The following EYA4 variants were observed in gnomAD, a reference collection of about 807,000 sequenced individuals.
EYA4 encodes EYA transcriptional coactivator and phosphatase 4.
In EYA4, 31 loss-of-function variants were observed where a neutral mutation model predicts 87.9. The observed-to-expected ratio is 0.35, with a 90% CI of 0.27 to 0.48. The LOEUF (loss-of-function observed/expected upper bound fraction) is 0.48. Ranked by LOEUF, EYA4 falls within the 20% of genes least tolerant of loss-of-function variation. The pLI is 0.99. For missense variants in EYA4, 678 were observed against 761.4 expected (o/e 0.89, Z 1.29); for synonymous variants, 263 against 270.6 (o/e 0.97, Z 0.28).
chr6:133,490,528 A>C (rs1263467660), intron 13 of EYA4, among the ~76,000 whole-genome samples: 1 of 152,104 alleles, frequency 6.6e-6, no homozygotes, highest in South Asian at 2.1e-4. Context: ...AAAAAGAGCT[A>C]GAGTAGCTAT....
chr6:133,274,624 A>G (rs1777013379), intron 1 of EYA4, 92 bp from the exon 2 acceptor site: 2 of 665,262 alleles, frequency 3.0e-6, no homozygotes, highest in African/African-American at 3.6e-5. Context: ...CAAGTTACTA[A>G]TTACCATGCT....
At chr6:133,493,618 CT>C (rs1209583355) in intron 13 of EYA4, among the ~76,000 whole-genome samples, 1 of 152,138 alleles carries the variant, frequency 6.6e-6, no homozygotes, top group Non-Finnish European at 1.5e-5. Flanking sequence ...TAAAAAGCTT[CT>C]GCACAGCAAA....
intron 3 of EYA4, among the ~76,000 whole-genome samples, chr6:133,391,589 T>C (rs562053720): frequency 6.6e-6 from 1 of 152,334 alleles, no homozygotes; most frequent in Non-Finnish European, 1.5e-5. Context: ...ACACTGCTCC[T>C]GATTTTATAC....
At chr6:133,450,557 G>T (rs1367554847) in intron 5 of EYA4, among the ~76,000 whole-genome samples, 1 of 152,186 alleles carries the variant, frequency 6.6e-6, no homozygotes, top group South Asian at 2.1e-4. Context: ...AGGCTGGAGT[G>T]CAGTGGTGCC....
intron 2 of EYA4, among the ~76,000 whole-genome samples, chr6:133,321,199 G>A (rs1781063577): frequency 6.6e-6 from 1 of 152,020 alleles, no homozygotes; most frequent in Non-Finnish European, 1.5e-5. Flanking sequence ...ACTTAACTTT[G>A]TTTATAGTCT....
chr6:133,313,895 A>AT (rs536419862), intron 2 of EYA4, among the ~76,000 whole-genome samples: 5 of 71,416 alleles, frequency 7.0e-5, no homozygotes, highest in Non-Finnish European at 1.8e-4. Context: ...CTGATGTCTT[A>AT]TTTTTTTTCT....
chr6:133,423,037 T>G (rs1471660637), intron 3 of EYA4, among the ~76,000 whole-genome samples: 1 of 152,104 alleles, frequency 6.6e-6, no homozygotes, highest in Non-Finnish European at 1.5e-5. Context: ...ACTCAGCCTT[T>G]TTTTGGAGGG....
chr6:133,244,605 C>A (rs990252788), intron 1 of EYA4, among the ~76,000 whole-genome samples: 1 of 137,848 alleles, frequency 7.3e-6, no homozygotes, highest in African/African-American at 2.7e-5. Context: ...TTATTTTTTT[C>A]TTTTAATAAG....
intron 5 of EYA4, among the ~76,000 whole-genome samples, chr6:133,453,216 C>G (rs1583319121): frequency 6.6e-6 from 1 of 151,716 alleles, no homozygotes; most frequent in Non-Finnish European, 1.5e-5. Flanking sequence ...AACATTTTTC[C>G]AATAGTGTCT....
intron 2 of EYA4, among the ~76,000 whole-genome samples, chr6:133,329,976 G>C (rs1781797128): frequency 6.6e-6 from 1 of 152,082 alleles, no homozygotes; most frequent in African/African-American, 2.4e-5. Flanking sequence ...GTCTAAGAAA[G>C]ATGATTGAAT....
At chr6:133,494,723 A>C (rs1797484084) in intron 13 of EYA4, among the ~76,000 whole-genome samples, 1 of 151,252 alleles carries the variant, frequency 6.6e-6, no homozygotes, top group Non-Finnish European at 1.5e-5. Context: ...ATGGTGGTGT[A>C]TGCCTGTATT....
chr6:133,292,331 TGGTTTAATA>T (rs764650934), intron 2 of EYA4, among the ~76,000 whole-genome samples: 4 of 152,230 alleles, frequency 2.6e-5, no homozygotes, highest in African/African-American at 4.8e-5. Flanking sequence ...CAATTGCGTC[TGGTTTAATA>T]GGCTTAATAT....
At chr6:133,342,227 T>A (rs1310606566) in intron 2 of EYA4, among the ~76,000 whole-genome samples, 1 of 151,554 alleles carries the variant, frequency 6.6e-6, no homozygotes, top group African/African-American at 2.4e-5. Context: ...AGGTGGCTGG[T>A]GCCATGGAAG....
intron 2 of EYA4, among the ~76,000 whole-genome samples, chr6:133,380,816 C>T (rs1786126158): frequency 6.6e-6 from 1 of 150,438 alleles, no homozygotes; most frequent in Admixed American, 6.7e-5. Context: ...TTCCCCTTTT[C>T]TCCTCCTACG....
intron 2 of EYA4, among the ~76,000 whole-genome samples, chr6:133,345,132 C>T (rs984276000): frequency 2.6e-5 from 4 of 152,006 alleles, no homozygotes; most frequent in Non-Finnish European, 4.4e-5. Context: ...ATGATCTTAT[C>T]TAGCCTTTTG....
intron 2 of EYA4, among the ~76,000 whole-genome samples, chr6:133,301,740 G>A (rs1343740051): frequency 6.6e-6 from 1 of 152,192 alleles, no homozygotes; most frequent in East Asian, 1.9e-4. Flanking sequence ...CAGAACTCAA[G>A]CTCTTATCTA....
At chr6:133,450,243 C>T (rs1354275967) in intron 5 of EYA4, among the ~76,000 whole-genome samples, 2 of 152,144 alleles carry the variant, frequency 1.3e-5, no homozygotes, top group African/African-American at 4.8e-5. Flanking sequence ...CCTCAGCCTC[C>T]CGAAGTGCTG....
intron 2 of EYA4, among the ~76,000 whole-genome samples, chr6:133,381,167 T>C (rs1291299622): frequency 1.3e-5 from 2 of 150,234 alleles, no homozygotes; most frequent in Non-Finnish European, 3.0e-5. Flanking sequence ...AGGATGACAG[T>C]CTCTTTGCTG....
At chr6:133,521,557 C>T (rs1370005430) in intron 17 of EYA4, among the ~76,000 whole-genome samples, 75 of 125,114 alleles carry the variant, frequency 6.0e-4, no homozygotes, top group Non-Finnish European at 8.2e-4. Context: ...GTCAGTGTGG[C>T]GATTCCTCAG....
Sources: gnomAD v4.1 joint callset for allele counts (sites outside exome capture counted in the v4.1 genomes callset) on GRCh38, gnomAD v4.1.1 for gene constraint, MANE v1.5 for transcripts, NCBI Gene and HGNC (gene_info 2026-07-23, HGNC 2026-07-21) for gene names.